Variants in ZCCHC14 observed in about 807,000 individuals in gnomAD.
The protein encoded by ZCCHC14 is zinc finger CCHC domain-containing protein 14.
In ZCCHC14, 16 loss-of-function variants were observed where a neutral mutation model predicts 85.0. That is an observed-to-expected ratio of 0.19 (90% CI 0.13 to 0.29). The LOEUF (loss-of-function observed/expected upper bound fraction) is 0.29, where lower values mean the gene tolerates loss of function less well. Among genes scored for constraint, ZCCHC14 ranks in the 10% least tolerant of loss-of-function variants. ZCCHC14 has a pLI of 1.00. For synonymous variants in ZCCHC14, 775 were observed against 630.7 expected (o/e 1.23, Z -3.43); for missense variants, 1,303 against 1,443.5 (o/e 0.90, Z 1.58).
rs1465950063 is a variant in ZCCHC14, at chr16:87,423,571, C to T, written c.840+239G>A. On this transcript the variant is annotated intron_variant, in intron 4 of 12. Coordinates refer to ENST00000671377, the MANE Select transcript of ZCCHC14 (RefSeq NM_015144.3). ...AGTCGCTCATGCCCGGCGCATCTCT[C>T]AGCCTCATCTCAGTCTCAACAAGTG... Among the ~76,000 whole-genome samples, 4 of 152,314 alleles carry T rather than the reference C, an allele frequency of 2.6e-5. No homozygotes were observed. The East Asian group carries it at 5.8e-4, about 22-fold the overall frequency.
Position 87,428,924 on chromosome 16 carries a change from A to C in ZCCHC14, c.768+4204T>G, listed in dbSNP as rs369632920. ...GGGGGTGGTATTCCACTGCGTGGAC[A>C]TAACACCAGGGTTGGCCTGTCCACG... is the stretch of plus-strand genomic sequence containing the variant. On this transcript the variant is annotated intron_variant, in intron 3 of 12. Transcript: ENST00000671377. 3.9e-5 allele frequency among the ~76,000 whole-genome samples: 6 copies of C among 152,368 alleles called. No individual in the cohort carries two copies. The East Asian group carries it at 7.7e-4, about 20-fold the overall frequency.
chr16:87,442,194 G>A (rs1910217327), intron 2 of ZCCHC14, among the ~76,000 whole-genome samples: 2 of 152,174 alleles, frequency 1.3e-5, no homozygotes, highest in African/African-American at 4.8e-5. Context: ...CAGAGTCTGA[G>A]GCTGGACGGC....
rs1207536939 is a variant in ZCCHC14 at position 87,406,918 on chromosome 16, G to A, written c.*3362C>T. The A allele has an allele frequency of 1.3e-5, 2 of 152,162 alleles. No homozygotes were observed. The highest frequency in any genetic ancestry group is 2.9e-5 in the Non-Finnish European group (2 of 68,054). The allele number at this position is 152,162 out of a possible 1,614,324, so 9.4% of individuals were successfully genotyped here. A position where few individuals can be genotyped will look rare whatever the true frequency, so the allele number is the denominator to read the frequency against. ...TCAGGTCGCACAGGACTCTCCTCTG[G>A]GACAGCAGTCGAGTCAAGCAGGGAG... On this transcript the variant is annotated 3_prime_UTR_variant, in exon 13 of 13. Coordinates refer to ENST00000671377, the MANE Select transcript of ZCCHC14 (RefSeq NM_015144.3).
chr16:87,470,627 T>G (rs1231779647), intron 1 of ZCCHC14: 1 of 152,162 alleles, frequency 6.6e-6, no homozygotes, highest in Non-Finnish European at 1.5e-5. Context: ...GTAAGGAGAT[T>G]TATCTCAGCT....
chr16:87,474,050 C>G (rs552129018), intron 1 of ZCCHC14: 1 of 152,228 alleles, frequency 6.6e-6, no homozygotes, highest in Admixed American at 6.5e-5. Context: ...GGATTGATCA[C>G]AGAAGACATT....
At chr16:87,428,267 G>A (rs996133283) in intron 3 of ZCCHC14, among the ~76,000 whole-genome samples, 4 of 152,160 alleles carry the variant, frequency 2.6e-5, no homozygotes, top group African/African-American at 9.7e-5. Context: ...GAAACAGGCT[G>A]AGAAAATCAG....
At position 87,411,670 on chromosome 16, in the gene ZCCHC14, T is replaced by C. The variant is rs1327000430; in HGVS notation, c.3051A>G (p.Ala1017=). 6.2e-7 allele frequency: 1 copy of C among 1,614,064 alleles called. No individual in the cohort carries two copies. The highest frequency in any genetic ancestry group is 2.2e-5 in the East Asian group (1 of 44,870). ...FAVPPMQNFM[A]GTAGVYQTQG... is the part of the protein sequence containing the mutation. The stretch of plus-strand genomic sequence containing the variant: ...GGGTCTGGTACACCCCTGCTGTCCC[T>C]GCCATGAAGTTCTGCATGGGTGGCA... Residue 1017 remains alanine (A), a synonymous_variant, in exon 12 of 13, where the codon GCA becomes GCG. Coordinates refer to ENST00000671377, the MANE Select transcript of ZCCHC14 (RefSeq NM_015144.3).
chr16:87,444,393 T>C (rs1052838794), intron 2 of ZCCHC14, among the ~76,000 whole-genome samples: 11 of 152,244 alleles, frequency 7.2e-5, no homozygotes, highest in African/African-American at 2.7e-4. Flanking sequence ...ACGACATTAA[T>C]GGATTATAAC....
At chr16:87,474,914 A>G (rs991998134) in intron 1 of ZCCHC14, among the ~76,000 whole-genome samples, 2 of 152,246 alleles carry the variant, frequency 1.3e-5, no homozygotes, top group African/African-American at 4.8e-5. Context: ...CTGATAACAC[A>G]GGAAGAGTAT....
At chr16:87,481,959 G>C (rs1388000275) in intron 1 of ZCCHC14, among the ~76,000 whole-genome samples, 2 of 152,170 alleles carry the variant, frequency 1.3e-5, no homozygotes, top group Admixed American at 1.3e-4. Context: ...AGGCAGAAGG[G>C]GAAAGGGCGA....
chr16:87,450,220 T>C (rs566170578), intron 2 of ZCCHC14, among the ~76,000 whole-genome samples: 1 of 152,354 alleles, frequency 6.6e-6, no homozygotes, highest in South Asian at 2.1e-4. Context: ...CATTTAAAAA[T>C]TGGAAAACTG....
At chr16:87,425,036 C>A (rs1352748839) in intron 3 of ZCCHC14, among the ~76,000 whole-genome samples, 2 of 152,174 alleles carry the variant, frequency 1.3e-5, no homozygotes, top group Non-Finnish European at 2.9e-5. Flanking sequence ...GGCCTGCAGT[C>A]TAGTCCCCGA....
At chr16:87,489,742 G>A (rs1355613520) in intron 1 of ZCCHC14, among the ~76,000 whole-genome samples, 3 of 152,090 alleles carry the variant, frequency 2.0e-5, no homozygotes, top group Admixed American at 6.6e-5. Context: ...CTCATCAAAG[G>A]GATTTCTGCT....
intron 3 of ZCCHC14, 151 bp from the exon 4 acceptor site, chr16:87,424,032 G>A: frequency 4.2e-6 from 3 of 712,082 alleles, no homozygotes; most frequent in Middle Eastern, 2.4e-4. Flanking sequence ...AGCATCCCTT[G>A]ACTTGTTACA....
rs978476489 is a variant in ZCCHC14 at position 87,412,676 on chromosome 16, G to T, written c.2045C>A (p.Pro682Gln). Residue 682 changes from proline (P) to glutamine (Q), a missense_variant, in exon 12 of 13, where the codon CCA becomes CAA. Pro to Gln is a moderately conservative substitution (Grantham distance 76). Transcript: ENST00000671377. ...CTTGTCCACTTTCATGCTGCTTCTT[G>T]GTCCAGATCCTTTATTCCTTTCTTC... Reference protein sequence around the residue: ...SLEERNKGSGPRSSMKVDKSF... With the variant: ...SLEERNKGSGQRSSMKVDKSF... 17 of 1,614,098 alleles carry T rather than the reference G, an allele frequency of 1.1e-5. No homozygotes were observed. Among genetic ancestry groups the T allele is most frequent in the Non-Finnish European group, 1.2e-5 (14 of 1,180,052 alleles).
rs1293629272 is a variant in ZCCHC14 at position 87,492,814 on chromosome 16, A to G, written c.-576T>C. On this transcript the variant is annotated 5_prime_UTR_variant, in exon 1 of 13. Transcript: ENST00000671377. The surrounding 1 kb of genome is among the most constrained non-coding windows in gnomAD (Gnocchi z 6.7). ...GCCGCGGCCGCGAAACGGACGCTGG[A>G]GGGGGAGGGACGCGCGGCGGGAGGC... Among the ~76,000 whole-genome samples, 2 of 144,800 alleles carry G rather than the reference A, an allele frequency of 1.4e-5. No homozygotes were observed. 95.0% of individuals were successfully genotyped at this position (144,800 alleles called of 152,430 possible). A position where few individuals can be genotyped will look rare whatever the true frequency, so the allele number is the denominator to read the frequency against.
chr16:87,419,733 G>A (rs1908990657), intron 6 of ZCCHC14, 50 bp downstream of exon 6: 2 of 1,376,222 alleles, frequency 1.5e-6, no homozygotes, highest in Non-Finnish European at 9.9e-7. Flanking sequence ...ACTGCGCCCA[G>A]CTGTTTTTTT....
chr16:87,485,488 C>A (rs1487365749), intron 1 of ZCCHC14, among the ~76,000 whole-genome samples: 1 of 149,256 alleles, frequency 6.7e-6, no homozygotes, highest in Non-Finnish European at 1.5e-5. Flanking sequence ...GACTAAAGTC[C>A]AAAACCAAAA....
intron 1 of ZCCHC14, among the ~76,000 whole-genome samples, chr16:87,477,110 G>C (rs1389583320): frequency 2.2e-5 from 2 of 91,948 alleles, no homozygotes; most frequent in East Asian, 6.8e-4. Context: ...GACAGAGAGA[G>C]ACTCAGTCTC....
Sources: allele counts gnomAD v4.1 joint callset (sites outside exome capture counted in the v4.1 genomes callset), GRCh38; gene constraint gnomAD v4.1.1; non-coding constraint Gnocchi (gnomAD v3.1); transcripts MANE v1.5; gene names NCBI Gene and HGNC (gene_info 2026-07-23, HGNC 2026-07-21).